Variants in GPT2 observed in about 807,000 individuals in gnomAD.
GPT2 encodes the protein glutamic--pyruvic transaminase 2.
In GPT2, 30 loss-of-function variants were observed where a neutral mutation model predicts 56.9. The ratio of observed to expected loss-of-function variants is 0.53; its 90% CI spans 0.39 to 0.72. The LOEUF is 0.72. GPT2 is among the 30% of genes least tolerant of loss of function. The pLI, the probability that GPT2 is intolerant of heterozygous loss-of-function variation, is 0.00. For missense variants in GPT2, 542 were observed against 703.4 expected, an observed-to-expected ratio of 0.77 and a Z score of 2.60; for synonymous variants, 271 against 283.1, an observed-to-expected ratio of 0.96 and a Z score of 0.43.
In GPT2 at chr16:46,909,699, C is replaced by T; in HGVS notation, c.592C>T (p.Leu198Phe). Residue 198 changes from leucine to phenylalanine, a missense_variant, in exon 6 of 12, where the codon CTC becomes TTC. Transcript: ENST00000340124. ...SDGISTILKI[L>F]VSGGGKSRTG... The stretch of plus-strand genomic sequence containing the variant: ...TCTGTTGCAGACGATCCTGAAGATC[C>T]TCGTCTCCGGGGGCGGCAAGTCACG... 1 of 1,613,568 alleles carries T rather than the reference C, an allele frequency of 6.2e-7. No homozygotes were observed. Among genetic ancestry groups the T allele is most frequent in the Non-Finnish European group, 8.5e-7 (1 of 1,179,636 alleles).
At chr16:46,890,708 C>T (rs1469034707) in intron 2 of GPT2, among the ~76,000 whole-genome samples, 1 of 152,164 alleles carries the variant, frequency 6.6e-6, no homozygotes, top group African/African-American at 2.4e-5. Context: ...TATATACATT[C>T]TATATGTAAT....
intron 9 of GPT2, chr16:46,923,981 T>C (rs1037685638): frequency 2.3e-5 from 8 of 344,572 alleles, no homozygotes; most frequent in Non-Finnish European, 4.5e-5. Context: ...TGCTGGGCTC[T>C]ACCCTTTGGC....
rs765286257 is a variant in GPT2, at chr16:46,909,815, C to T, written c.708C>T (p.Asp236=). The T allele has an allele frequency of 2.2e-5, 35 of 1,613,992 alleles. No individual in the cohort carries two copies. The highest frequency in any genetic ancestry group is 7.7e-5 in the South Asian group (7 of 91,082). ...CCATCCAGGTGAATTACTACCTGGA[C>T]GAGGAGAACTGCTGGGCGCTGAATG... The part of the protein sequence containing the change: ...LDAIQVNYYL[D]EENCWALNVN... The change falls in exon 6 of 12, where the codon GAC becomes GAT. Residue 236 remains aspartate, a synonymous_variant. Coordinates refer to ENST00000340124, the MANE Select transcript of GPT2 (RefSeq NM_133443.4).
At chr16:46,898,871 CATATAT>C (rs35282958) in intron 3 of GPT2, among the ~76,000 whole-genome samples, 2 of 138,820 alleles carry the variant, frequency 1.4e-5, no homozygotes, top group East Asian at 4.1e-4. Context: ...TATTTATATA[CATATAT>C]ATATATATAT....
At chr16:46,890,592 C>T (rs755893790) in intron 2 of GPT2, among the ~76,000 whole-genome samples, 1 of 152,168 alleles carries the variant, frequency 6.6e-6, no homozygotes, top group Non-Finnish European at 1.5e-5. Flanking sequence ...AAGGAAACAG[C>T]CTTGTGCCTG....
chr16:46,922,735 A>C (rs1000844596), intron 9 of GPT2, among the ~76,000 whole-genome samples: 4 of 152,130 alleles, frequency 2.6e-5, no homozygotes, highest in Non-Finnish European at 5.9e-5. Context: ...ACTGAAAAGA[A>C]GACGAGGAGG....
At chr16:46,912,537 G>T (rs1376878603) in intron 6 of GPT2, among the ~76,000 whole-genome samples, 1 of 152,178 alleles carries the variant, frequency 6.6e-6, no homozygotes, top group Non-Finnish European at 1.5e-5. Context: ...TAGGACAGTG[G>T]TATTAGGCCA....
At chr16:46,900,571 T>C in intron 3 of GPT2, 111 bp from the exon 4 acceptor site, 1 of 774,292 alleles carries the variant, frequency 1.3e-6, no homozygotes, top group Non-Finnish European at 2.2e-6. Context: ...GCAGAGAGGC[T>C]TGCGTCAGCC....
chr16:46,887,432 C>T (rs577613923), intron 2 of GPT2, among the ~76,000 whole-genome samples: 1 of 152,290 alleles, frequency 6.6e-6, no homozygotes, highest in South Asian at 2.1e-4. Context: ...GCACTCCAGC[C>T]TCGGCAACAG....
chr16:46,909,519 C>T (rs935359663), intron 5 of GPT2, among the ~76,000 whole-genome samples, 165 bp from the exon 6 acceptor site: 2 of 152,106 alleles, frequency 1.3e-5, no homozygotes, highest in African/African-American at 4.8e-5. Context: ...ATTTTGCTTA[C>T]TCCTCGCAGC....
At chr16:46,884,979 G>A in intron 2 of GPT2, 21 bp downstream of exon 2, 2 of 1,458,914 alleles carry the variant, frequency 1.4e-6, no homozygotes, top group Non-Finnish European at 1.8e-6. Flanking sequence ...GCTGGGCCCC[G>A]GGGAGGCTGG....
intron 6 of GPT2, among the ~76,000 whole-genome samples, chr16:46,910,353 C>A (rs1370220467): frequency 2.3e-5 from 3 of 131,878 alleles, no homozygotes; most frequent in African/African-American, 8.8e-5. Context: ...TGCACTCAAG[C>A]CTGGGTGACA....
chr16:46,929,574 T>C lies in GPT2; in HGVS notation c.*577T>C, dbSNP rs969234146. Reference sequence around the variant, plus strand: ...TGTTGCACTAGCTTGGGGTAGATGCTGGGGGCTGCGGCCACGGTCAGAGGG... The same window carrying C: ...TGTTGCACTAGCTTGGGGTAGATGCCGGGGGCTGCGGCCACGGTCAGAGGG... On this transcript the variant is annotated 3_prime_UTR_variant, in exon 12 of 12. Coordinates refer to ENST00000340124, the MANE Select transcript of GPT2 (RefSeq NM_133443.4). 2 of 153,040 alleles carry C rather than the reference T, an allele frequency of 1.3e-5. No individual in the cohort carries two copies. Among genetic ancestry groups the C allele is most frequent in the African/African-American group, 4.8e-5 (2 of 41,468 alleles). The allele number at this position is 153,040 out of a possible 1,614,324, so 9.5% of individuals were successfully genotyped here.
chr16:46,910,874 A>T (rs573129289), intron 6 of GPT2, among the ~76,000 whole-genome samples: 4 of 152,228 alleles, frequency 2.6e-5, no homozygotes, highest in Non-Finnish European at 4.4e-5. Flanking sequence ...GGCATGAGCC[A>T]CTGCACCCAG....
chr16:46,905,443 C>T (rs1960904789), intron 4 of GPT2, among the ~76,000 whole-genome samples: 1 of 152,198 alleles, frequency 6.6e-6, no homozygotes, highest in African/African-American at 2.4e-5. Context: ...TTCCAGTCGC[C>T]ATCCTGCCTC....
At chr16:46,927,512 A>T (rs1961442198) in intron 11 of GPT2, among the ~76,000 whole-genome samples, 1 of 152,144 alleles carries the variant, frequency 6.6e-6, no homozygotes, top group African/African-American at 2.4e-5. Flanking sequence ...CCCAGGGCAT[A>T]CCCCGTTCTG....
At chr16:46,907,908 T>G (rs1002980259) in intron 5 of GPT2, among the ~76,000 whole-genome samples, 1 of 152,022 alleles carries the variant, frequency 6.6e-6, no homozygotes, top group Non-Finnish European at 1.5e-5. Flanking sequence ...CAGTCTGGAG[T>G]GCAGTGGAGT....
At chr16:46,927,545 G>A (rs889446614) in intron 11 of GPT2, among the ~76,000 whole-genome samples, 3 of 152,204 alleles carry the variant, frequency 2.0e-5, no homozygotes, top group African/African-American at 4.8e-5. Flanking sequence ...TGGGAATGCC[G>A]GTGCCCAGAG....
Position 46,927,000 on chromosome 16 carries a change from A to G in GPT2, c.1444A>G (p.Ser482Gly). The G allele has an allele frequency of 1.2e-6, 2 of 1,609,740 alleles. No individual in the cohort carries two copies. Among genetic ancestry groups the G allele is most frequent in the Non-Finnish European group, 1.7e-6 (2 of 1,178,216 alleles). The part of the protein sequence containing the change: ...EETGICVVPG[S>G]GFGQREGTYH... The stretch of plus-strand genomic sequence containing the variant: ...GACTGGCATCTGTGTCGTGCCCGGC[A>G]GTGGCTTTGGGCAGAGGGAAGGCAC... Residue 482 changes from serine (S) to glycine (G), a missense_variant, in exon 11 of 12, where the codon AGT (serine) becomes GGT (glycine). Ser to Gly is a moderately conservative substitution (Grantham distance 56, BLOSUM62 0). Coordinates refer to ENST00000340124, the MANE Select transcript of GPT2 (RefSeq NM_133443.4).
Sources: allele counts gnomAD v4.1 joint callset (sites outside exome capture counted in the v4.1 genomes callset), GRCh38; gene constraint gnomAD v4.1.1; transcripts MANE v1.5; gene names NCBI Gene and HGNC (gene_info 2026-07-23, HGNC 2026-07-21).